The following PRDM1 variants were observed in gnomAD, a reference collection of about 807,000 sequenced individuals.
The protein encoded by PRDM1 is PR domain zinc finger protein 1.
PRDM1 carries 13 observed loss-of-function variants against 62.8 expected under a neutral mutation model. The observed-to-expected ratio is 0.21, with a 90% CI of 0.13 to 0.33. The LOEUF (loss-of-function observed/expected upper bound fraction) is 0.33. Ranked by LOEUF, PRDM1 falls within the 10% of genes least tolerant of loss-of-function variation. The probability of loss-of-function intolerance (pLI) is 1.00; values close to 1 mark genes in which losing one functional copy is unlikely to be tolerated. For missense variants in PRDM1, 895 were observed against 1,058.8 expected, an observed-to-expected ratio of 0.85 and a Z score of 2.15; for synonymous variants, 396 against 417.6, an observed-to-expected ratio of 0.95 and a Z score of 0.63.
intron 1 of PRDM1, among the ~76,000 whole-genome samples, chr6:106,069,143 GT>G (rs1773475485): frequency 6.6e-6 from 1 of 152,150 alleles, no homozygotes; most frequent in South Asian, 2.1e-4. Flanking sequence ...GGCATCTAGA[GT>G]TTACAAAGTG....
At chr6:106,031,275 A>C (rs1447556928) in intron 1 of PRDM1, among the ~76,000 whole-genome samples, 2 of 152,208 alleles carry the variant, frequency 1.3e-5, no homozygotes, top group African/African-American at 4.8e-5. Context: ...CAGAAAAGTA[A>C]ATGGACACCT....
intron 1 of PRDM1, among the ~76,000 whole-genome samples, chr6:106,053,546 A>G (rs567463285): frequency 6.6e-6 from 1 of 152,244 alleles, no homozygotes; most frequent in South Asian, 2.1e-4. Flanking sequence ...ATTCTATTGT[A>G]TCCATTATGT....
upstream of PRDM1, among the ~76,000 whole-genome samples, chr6:106,083,907 A>G (rs1415272160): frequency 6.6e-6 from 1 of 152,254 alleles, no homozygotes; most frequent in African/African-American, 2.4e-5. Context: ...TTTAGTCAGC[A>G]GTAAAAAGGT....
At chr6:106,083,988 T>G (rs1773744542), upstream of PRDM1, among the ~76,000 whole-genome samples, 1 of 152,154 alleles carries the variant, frequency 6.6e-6, no homozygotes, top group Non-Finnish European at 1.5e-5. Flanking sequence ...CCCTTAATGG[T>G]TTTGTGCTGG....
chr6:106,073,187 C>T (rs778225615), intron 1 of PRDM1, among the ~76,000 whole-genome samples: 16 of 151,232 alleles, frequency 1.1e-4, no homozygotes, highest in Non-Finnish European at 2.1e-4. Flanking sequence ...CAATCTCGGC[C>T]CACTGCAACC....
chr6:106,038,865 C>A (rs1362593383), intron 1 of PRDM1, among the ~76,000 whole-genome samples: 1 of 152,204 alleles, frequency 6.6e-6, no homozygotes, highest in Non-Finnish European at 1.5e-5. Context: ...AAAATAGTTA[C>A]ATGAGACAAA....
Position 106,086,509 on chromosome 6 carries a change from C to G in PRDM1, c.-45C>G, listed in dbSNP as rs1773810008. 1 of 1,534,264 alleles carries G rather than the reference C, an allele frequency of 6.5e-7. No individual in the cohort carries two copies. Among genetic ancestry groups the G allele is most frequent in the Non-Finnish European group, 8.8e-7 (1 of 1,133,872 alleles). On this transcript the variant is annotated 5_prime_UTR_variant, in exon 1 of 7. Coordinates refer to ENST00000369096, the MANE Select transcript of PRDM1 (RefSeq NM_001198.4). ...GTGCGGCTCAGCCTGGCGGGGGACG[C>G]GGGGAGAATGTGGACTGGGTAGAGA...
chr6:106,028,811 A>G (rs989728772), intron 1 of PRDM1, among the ~76,000 whole-genome samples: 2 of 150,862 alleles, frequency 1.3e-5, no homozygotes, highest in Non-Finnish European at 2.9e-5. Flanking sequence ...TTCCATCCTC[A>G]TCTCCAGGCC....
At chr6:106,092,346 G>A (rs940506785) in intron 2 of PRDM1, among the ~76,000 whole-genome samples, 1 of 152,104 alleles carries the variant, frequency 6.6e-6, no homozygotes, top group African/African-American at 2.4e-5. Context: ...GTGGTGGAGG[G>A]GTCTGCACCG....
intron 1 of PRDM1, among the ~76,000 whole-genome samples, chr6:106,009,379 G>C: frequency 6.6e-6 from 1 of 152,076 alleles, no homozygotes; most frequent in East Asian, 1.9e-4. Context: ...GATCACCCTA[G>C]GCTGAAGGAA....
At chr6:106,096,362 G>A (rs1052165417) in intron 3 of PRDM1, among the ~76,000 whole-genome samples, 1 of 152,044 alleles carries the variant, frequency 6.6e-6, no homozygotes, top group African/African-American at 2.4e-5. Flanking sequence ...TGGCCATGAT[G>A]GTCTCGATCT....
intron 1 of PRDM1, among the ~76,000 whole-genome samples, chr6:106,071,494 ATTTTCTGG>A (rs1773520377): frequency 6.6e-6 from 1 of 152,028 alleles, no homozygotes; most frequent in African/African-American, 2.4e-5. Flanking sequence ...TTTTGCATTG[ATTTTCTGG>A]TACTGGATAT....
At chr6:106,040,924 C>T (rs192742325) in intron 1 of PRDM1, among the ~76,000 whole-genome samples, 142 of 152,288 alleles carry the variant, frequency 9.3e-4, no homozygotes, top group African/African-American at 3.0e-3. Flanking sequence ...TTAATTTGGC[C>T]TGGCATTCAA....
intron 1 of PRDM1, among the ~76,000 whole-genome samples, chr6:106,001,497 T>C (rs1371540349): frequency 6.6e-6 from 1 of 152,208 alleles, no homozygotes; most frequent in Non-Finnish European, 1.5e-5. Flanking sequence ...GTTGAGTCTT[T>C]AACTTACCTA....
At chr6:106,103,534 A>C (rs536028021) in intron 4 of PRDM1, among the ~76,000 whole-genome samples, 60 of 152,288 alleles carry the variant, frequency 3.9e-4, no homozygotes, top group African/African-American at 1.4e-3. Context: ...ACTGTCCTCC[A>C]ATAATCAGAG....
intron 1 of PRDM1, among the ~76,000 whole-genome samples, chr6:106,071,435 A>C (rs1467264659): frequency 6.6e-6 from 1 of 152,154 alleles, no homozygotes; most frequent in Non-Finnish European, 1.5e-5. Flanking sequence ...AGGTATCTCC[A>C]ATAAAAATTA....
intron 1 of PRDM1, among the ~76,000 whole-genome samples, chr6:106,021,812 G>T (rs1437000163): frequency 6.6e-6 from 1 of 152,078 alleles, no homozygotes; most frequent in East Asian, 1.9e-4. Flanking sequence ...TAGAAACAGG[G>T]TTTCTCCATG....
At chr6:106,095,535 C>A in intron 2 of PRDM1, 80 bp from the exon 3 acceptor site, 27 of 1,499,578 alleles carry the variant, frequency 1.8e-5, no homozygotes, top group Non-Finnish European at 2.5e-5. Context: ...TACTACTTGA[C>A]AGTCCAATTT....
chr6:106,091,378 TTTTA>T (rs1190188363), intron 2 of PRDM1, among the ~76,000 whole-genome samples: 1 of 152,248 alleles, frequency 6.6e-6, no homozygotes, highest in African/African-American at 2.4e-5. Context: ...TCATGTTGCC[TTTTA>T]TTTGAGAAAT....
Sources: allele counts gnomAD v4.1 joint callset (sites outside exome capture counted in the v4.1 genomes callset), GRCh38; gene constraint gnomAD v4.1.1; transcripts MANE v1.5; gene names NCBI Gene and HGNC (gene_info 2026-07-23, HGNC 2026-07-21).